Variants in PMFBP1 observed in about 807,000 individuals in gnomAD.
The protein encoded by PMFBP1 is polyamine modulated factor 1 binding protein 1.
A neutral mutation model predicts 137.8 loss-of-function variants in PMFBP1; 131 were observed. The observed-to-expected ratio is 0.95, with a 90% CI of 0.82 to 1.10. The LOEUF (loss-of-function observed/expected upper bound fraction) is 1.10. Among genes scored for constraint, PMFBP1 ranks in the 50% least tolerant of loss-of-function variants. The probability of loss-of-function intolerance (pLI) is 0.00; values close to 1 mark genes in which losing one functional copy is unlikely to be tolerated. For synonymous variants in PMFBP1, 490 were observed against 450.4 expected, an observed-to-expected ratio of 1.09 and a Z score of -1.11; for missense variants, 1,199 against 1,175.4, an observed-to-expected ratio of 1.02 and a Z score of -0.29.
At chr16:72,203,197 T>C in the PMFBP1 span, among the ~76,000 whole-genome samples, 2 of 152,228 alleles carry the variant, frequency 1.3e-5, no homozygotes. Context: ...TATTTTCCAC[T>C]TTTCTTTCTT....
intron 10 of PMFBP1, 57 bp downstream of exon 10, chr16:72,132,680 GTGGCTGCTCTA>G: frequency 6.3e-7 from 1 of 1,595,418 alleles, no homozygotes; most frequent in Non-Finnish European, 8.5e-7. Context: ...GAGAGAGAAG[GTGGCTGCTCTA>G]GGGCTGCTCT....
chr16:72,193,161 A>G, the PMFBP1 span, among the ~76,000 whole-genome samples: 1 of 152,070 alleles, frequency 6.6e-6, no homozygotes, highest in Admixed American at 6.6e-5. Context: ...CTGTGGTGAG[A>G]GGATCACTTG....
chr16:72,203,323 C>A, the PMFBP1 span, among the ~76,000 whole-genome samples: 2 of 152,334 alleles, frequency 1.3e-5, no homozygotes, highest in African/African-American at 4.8e-5. Context: ...GTCACTTAAT[C>A]CCCCACCACT....
At chr16:72,209,943 C>T in the PMFBP1 span, among the ~76,000 whole-genome samples, 1 of 152,230 alleles carries the variant, frequency 6.6e-6, no homozygotes, top group Non-Finnish European at 1.5e-5. Flanking sequence ...ACTGCTGGGC[C>T]GTTCCCCCAG....
At chr16:72,193,414 T>A in the PMFBP1 span, among the ~76,000 whole-genome samples, 1 of 151,956 alleles carries the variant, frequency 6.6e-6, no homozygotes, top group East Asian at 1.9e-4. Flanking sequence ...TAAATAAATT[T>A]ATATGTATGA....
At chr16:72,126,368 A>G (rs781765059) in intron 14 of PMFBP1, among the ~76,000 whole-genome samples, 51 of 152,262 alleles carry the variant, frequency 3.3e-4, no homozygotes, top group Non-Finnish European at 6.8e-4. Context: ...CTCAAACAGC[A>G]GGAGTACCAG....
At chr16:72,177,279 A>T (rs1443625884), upstream of PMFBP1, among the ~76,000 whole-genome samples, 2 of 152,152 alleles carry the variant, frequency 1.3e-5, no homozygotes, top group Non-Finnish European at 2.9e-5. Context: ...CCTAAACTAC[A>T]TGTCACATTA....
At chr16:72,183,384 G>A in the PMFBP1 span, among the ~76,000 whole-genome samples, 1 of 152,172 alleles carries the variant, frequency 6.6e-6, no homozygotes, top group Non-Finnish European at 1.5e-5. Flanking sequence ...GGGCTGTGAT[G>A]GAGAATTGGT....
intron 12 of PMFBP1, 69 bp downstream of exon 12, chr16:72,130,144 T>G: frequency 6.3e-7 from 1 of 1,586,382 alleles, no homozygotes; most frequent in African/African-American, 1.3e-5. Flanking sequence ...TGTGAGCCAC[T>G]GCTCCTAGTC....
At chr16:72,195,281 T>A in the PMFBP1 span, among the ~76,000 whole-genome samples, 1 of 152,202 alleles carries the variant, frequency 6.6e-6, no homozygotes, top group Non-Finnish European at 1.5e-5. Context: ...TGAGCCGCAC[T>A]GCAGTCTGAG....
the PMFBP1 span, among the ~76,000 whole-genome samples, chr16:72,211,205 G>A: frequency 2.0e-5 from 3 of 152,196 alleles, no homozygotes; most frequent in Non-Finnish European, 4.4e-5. Flanking sequence ...GCTTAGGTCT[G>A]TGTGTGGTGA....
chr16:72,248,446 T>C, the PMFBP1 span, among the ~76,000 whole-genome samples: 3 of 152,282 alleles, frequency 2.0e-5, no homozygotes, highest in African/African-American at 4.8e-5. Context: ...TACCAGAGAA[T>C]GTGACTGAAT....
intron 5 of PMFBP1, among the ~76,000 whole-genome samples, chr16:72,145,011 C>G (rs1029715704): frequency 6.6e-6 from 1 of 152,212 alleles, no homozygotes; most frequent in African/African-American, 2.4e-5. Flanking sequence ...GACTTGAACT[C>G]AGCTCTGCAC....
chr16:72,227,759 C>CA, the PMFBP1 span, among the ~76,000 whole-genome samples: 1 of 152,158 alleles, frequency 6.6e-6, no homozygotes, highest in African/African-American at 2.4e-5. Flanking sequence ...CATTAAGCCT[C>CA]AGTCCTCACA....
At chr16:72,207,067 A>G in the PMFBP1 span, among the ~76,000 whole-genome samples, 1 of 152,096 alleles carries the variant, frequency 6.6e-6, no homozygotes, top group African/African-American at 2.4e-5. Context: ...AGAGGCTTAG[A>G]GGCTCAGTAA....
intron 14 of PMFBP1, 116 bp downstream of exon 14, chr16:72,128,541 C>G: frequency 6.3e-7 from 1 of 1,589,832 alleles, no homozygotes; most frequent in South Asian, 1.1e-5. Flanking sequence ...GCCCAGGATC[C>G]GCAGTTGGCT....
chr16:72,198,252 A>G, the PMFBP1 span, among the ~76,000 whole-genome samples: 1 of 152,192 alleles, frequency 6.6e-6, no homozygotes, highest in African/African-American at 2.4e-5. Flanking sequence ...AACACATCAT[A>G]GAGTGAGGCC....
At chr16:72,149,118 T>C (rs191726028) in intron 5 of PMFBP1, among the ~76,000 whole-genome samples, 211 of 152,338 alleles carry the variant, frequency 1.4e-3, no homozygotes, top group African/African-American at 4.3e-3. Context: ...AAAAACGTCC[T>C]GCACACTACT....
chr16:72,154,926 A>G (rs190889831), intron 3 of PMFBP1, among the ~76,000 whole-genome samples: 30 of 152,310 alleles, frequency 2.0e-4, no homozygotes, highest in Admixed American at 1.8e-3. Flanking sequence ...AAACGCTGAA[A>G]AATGAGAGCC....
Sources: allele counts gnomAD v4.1 joint callset (sites outside exome capture counted in the v4.1 genomes callset), GRCh38; gene constraint gnomAD v4.1.1; transcripts MANE v1.5; gene names NCBI Gene and HGNC (gene_info 2026-07-23, HGNC 2026-07-21).